Variants in MCTP1 observed in about 807,000 individuals in gnomAD.
The protein encoded by MCTP1 is multiple C2 and transmembrane domain-containing protein 1.
MCTP1 carries 69 observed loss-of-function variants against 120.6 expected under a neutral mutation model. The ratio of observed to expected loss-of-function variants is 0.57; its 90% CI spans 0.47 to 0.70. MCTP1 has a LOEUF of 0.70. Ranked by LOEUF, MCTP1 falls within the 30% of genes least tolerant of loss-of-function variation. The probability of loss-of-function intolerance (pLI) is 0.00; values close to 1 mark genes in which losing one functional copy is unlikely to be tolerated. For missense variants in MCTP1, 1,203 were observed against 1,248.8 expected, an observed-to-expected ratio of 0.96 and a Z score of 0.55; for synonymous variants, 529 against 493.1, an observed-to-expected ratio of 1.07 and a Z score of -0.96.
chr5:95,185,708 G>C (rs1377864915), intron 1 of MCTP1, among the ~76,000 whole-genome samples: 1 of 151,818 alleles, frequency 6.6e-6, no homozygotes, highest in Non-Finnish European at 1.5e-5. Flanking sequence ...CTTGAACCTG[G>C]GAAGTGAGGC....
At chr5:95,014,630 T>C (rs776585680) in intron 2 of MCTP1, among the ~76,000 whole-genome samples, 2 of 152,124 alleles carry the variant, frequency 1.3e-5, no homozygotes, top group Non-Finnish European at 2.9e-5. Context: ...ATTGAATCTA[T>C]TATTTGTACA....
chr5:94,713,207 G>A (rs924918459), intron 20 of MCTP1, among the ~76,000 whole-genome samples: 3 of 152,044 alleles, frequency 2.0e-5, no homozygotes, highest in African/African-American at 7.2e-5. Context: ...GTGACCCCCA[G>A]GAGAATTTCT....
intron 17 of MCTP1, 33 bp from the exon 18 acceptor site, chr5:94,799,165 G>A: frequency 1.9e-6 from 3 of 1,590,808 alleles, no homozygotes; most frequent in Admixed American, 1.8e-5. Flanking sequence ...GAAGGGATGA[G>A]TCAACACTGA....
chr5:95,121,305 T>G (rs966704847), intron 1 of MCTP1, among the ~76,000 whole-genome samples: 15 of 129,646 alleles, frequency 1.2e-4, no homozygotes, highest in Middle Eastern at 4.1e-3. Context: ...AAAAAAAAAG[T>G]TGCAGGACAC....
At chr5:95,103,150 T>C (rs1035965705) in intron 1 of MCTP1, among the ~76,000 whole-genome samples, 6 of 151,694 alleles carry the variant, frequency 4.0e-5, no homozygotes, top group African/African-American at 1.4e-4. Flanking sequence ...ATTATTGTCT[T>C]GTTACCATAA....
At chr5:95,123,495 T>C (rs1487072602) in intron 1 of MCTP1, among the ~76,000 whole-genome samples, 1 of 152,164 alleles carries the variant, frequency 6.6e-6, no homozygotes, top group Non-Finnish European at 1.5e-5. Context: ...CACCTTGAGT[T>C]TTCCAAGAAC....
At chr5:94,742,500 C>T (rs1231064612) in intron 19 of MCTP1, among the ~76,000 whole-genome samples, 1 of 152,226 alleles carries the variant, frequency 6.6e-6, no homozygotes, top group East Asian at 1.9e-4. Context: ...GGCTGCCTAA[C>T]AGCCTTAGGT....
At chr5:94,740,440 T>C (rs370724261) in intron 19 of MCTP1, among the ~76,000 whole-genome samples, 2 of 152,158 alleles carry the variant, frequency 1.3e-5, no homozygotes, top group East Asian at 3.8e-4. Flanking sequence ...AAAGTCGAGT[T>C]TAAGCCACTG....
intron 1 of MCTP1, among the ~76,000 whole-genome samples, chr5:95,102,945 C>T (rs1756846400): frequency 6.6e-6 from 1 of 152,160 alleles, no homozygotes; most frequent in African/African-American, 2.4e-5. Context: ...CTATGCAAAG[C>T]TCAGCAATAA....
At chr5:94,959,558 A>C (rs111752877) in intron 2 of MCTP1, among the ~76,000 whole-genome samples, 3,294 of 152,354 alleles carry the variant, frequency 0.022, 59 homozygotes, top group Non-Finnish European at 0.034. Flanking sequence ...GCTGATATGC[A>C]ACTTCAGCAA....
At chr5:95,186,055 C>T (rs971343480) in intron 1 of MCTP1, among the ~76,000 whole-genome samples, 6 of 151,792 alleles carry the variant, frequency 4.0e-5, no homozygotes, top group African/African-American at 1.5e-4. Flanking sequence ...CGAAATTGCG[C>T]CACTGCACTC....
chr5:95,081,485 T>C (rs1422267971), intron 1 of MCTP1: 44 of 1,610,650 alleles, frequency 2.7e-5, no homozygotes, highest in Non-Finnish European at 3.6e-5. Flanking sequence ...TCTAGCATAG[T>C]TGATTAGAAA....
chr5:95,186,632 C>A (rs1749239197), intron 1 of MCTP1, among the ~76,000 whole-genome samples: 1 of 152,080 alleles, frequency 6.6e-6, no homozygotes, highest in African/African-American at 2.4e-5. Flanking sequence ...TATCAAAATC[C>A]CAGCTTTGTG....
At chr5:95,192,658 G>A (rs1749953602) in intron 1 of MCTP1, among the ~76,000 whole-genome samples, 1 of 151,956 alleles carries the variant, frequency 6.6e-6, no homozygotes, top group Non-Finnish European at 1.5e-5. Flanking sequence ...TATATGTCTT[G>A]AAAAAGTGCT....
At chr5:95,153,946 C>CA (rs1744812607) in intron 1 of MCTP1, among the ~76,000 whole-genome samples, 1 of 151,922 alleles carries the variant, frequency 6.6e-6, no homozygotes, top group African/African-American at 2.4e-5. Context: ...ATTTCTAAAA[C>CA]AATGTAAAAA....
intron 17 of MCTP1, among the ~76,000 whole-genome samples, chr5:94,852,493 T>C (rs1402054834): frequency 3.3e-5 from 5 of 151,980 alleles, no homozygotes; most frequent in Admixed American, 2.0e-4. Flanking sequence ...AGGAACAAAA[T>C]ATAAAACTGA....
intron 1 of MCTP1, among the ~76,000 whole-genome samples, chr5:95,130,363 C>A (rs1488297593): frequency 6.6e-6 from 1 of 152,196 alleles, no homozygotes; most frequent in Non-Finnish European, 1.5e-5. Flanking sequence ...AGCACTGGTG[C>A]TTCGTTTCCA....
At chr5:94,729,129 G>A (rs1213255005) in intron 19 of MCTP1, among the ~76,000 whole-genome samples, 1 of 152,202 alleles carries the variant, frequency 6.6e-6, no homozygotes, top group East Asian at 1.9e-4. Flanking sequence ...CTGTAGTTGA[G>A]AACAGTTTTG....
chr5:94,940,593 T>C (rs1412293320), intron 4 of MCTP1, among the ~76,000 whole-genome samples: 3 of 144,598 alleles, frequency 2.1e-5, no homozygotes, highest in Non-Finnish European at 4.5e-5. Context: ...TATGTATATA[T>C]ATATACACAT....
Sources: gnomAD v4.1 joint callset for allele counts (sites outside exome capture counted in the v4.1 genomes callset) on GRCh38, gnomAD v4.1.1 for gene constraint, MANE v1.5 for transcripts, NCBI Gene and HGNC (gene_info 2026-07-23, HGNC 2026-07-21) for gene names.